Variants in VPS8 observed in about 807,000 individuals in gnomAD.
VPS8 encodes VPS8 subunit of CORVET complex, also known as vacuolar protein sorting-associated protein 8 homolog.
In VPS8, 129 loss-of-function variants were observed where a neutral mutation model predicts 216.4. The observed-to-expected ratio is 0.60, with a 90% CI of 0.52 to 0.69. The LOEUF (loss-of-function observed/expected upper bound fraction) is 0.69. VPS8 is among the 30% of genes least tolerant of loss of function. The pLI, the probability that VPS8 is intolerant of heterozygous loss-of-function variation, is 0.00. For synonymous variants in VPS8, 571 were observed against 565.4 expected (o/e 1.01, Z -0.14); for missense variants, 1,531 against 1,683.5 (o/e 0.91, Z 1.59).
intron 33 of VPS8, 93 bp downstream of exon 33, chr3:184,929,757 G>C: frequency 2.9e-6 from 2 of 684,860 alleles, no homozygotes; most frequent in Non-Finnish European, 2.3e-6. Context: ...TTGCGCATGT[G>C]TATGAGCCAA....
rs916845560 is a variant in VPS8, at chr3:184,924,778, G to A, written c.2455-84G>A. The A allele has an allele frequency of 3.4e-6, 5 of 1,468,612 alleles. No homozygotes were observed. The African/African-American group carries it at 7.4e-5, about 22-fold the overall frequency. 91.0% of individuals were successfully genotyped at this position (1,468,612 alleles called of 1,614,324 possible). ...CTTTTTACGCGTCTTCAGTCATGAG[G>A]CTATCCCGTCTTCTAATTGTATTTT... On this transcript the variant is annotated intron_variant, in intron 29 of 47. Coordinates refer to ENST00000625842, the MANE Select transcript of VPS8 (RefSeq NM_001009921.3).
At chr3:184,878,401 G>A (rs1729665040) in intron 21 of VPS8, among the ~76,000 whole-genome samples, 1 of 152,094 alleles carries the variant, frequency 6.6e-6, no homozygotes, top group Non-Finnish European at 1.5e-5. Flanking sequence ...GAGCCACTGC[G>A]CCTAACCTAA....
chr3:184,898,419 G>T, intron 23 of VPS8, 146 bp from the exon 24 acceptor site: 1 of 683,230 alleles, frequency 1.5e-6, no homozygotes, highest in Non-Finnish European at 2.6e-6. Flanking sequence ...CTTGCATTGT[G>T]TTTGAGTACT....
At chr3:184,985,667 T>C (rs1251624597) in intron 42 of VPS8, among the ~76,000 whole-genome samples, 2 of 152,168 alleles carry the variant, frequency 1.3e-5, no homozygotes, top group Non-Finnish European at 2.9e-5. Flanking sequence ...GGTGAGCAAA[T>C]GGCCTAAACA....
intron 26 of VPS8, among the ~76,000 whole-genome samples, chr3:184,914,006 A>G (rs1337172318): frequency 6.6e-6 from 1 of 152,244 alleles, no homozygotes; most frequent in Non-Finnish European, 1.5e-5. Flanking sequence ...CAAATCATGA[A>G]AAAGTTAGTA....
rs1377384083 is a variant in VPS8, at chr3:184,843,231, A to G, written c.536-9A>G. 7.0e-7 allele frequency: 1 copy of G among 1,421,228 alleles called. No homozygotes were observed. Among genetic ancestry groups the G allele is most frequent in the African/African-American group, 1.4e-5 (1 of 70,110 alleles). The allele number at this position is 1,421,228 out of a possible 1,614,324, so 88.0% of individuals were successfully genotyped here. A position where few individuals can be genotyped will look rare whatever the true frequency, so the allele number is the denominator to read the frequency against. On this transcript the variant is annotated splice_polypyrimidine_tract_variant and intron_variant, in intron 7 of 47. Transcript: ENST00000625842. ...ATCTTTCTTGATCTTTTCTTCATGG[A>G]TTCAAAAGGAAAAGGTATAGTAAGT...
rs1186136967 is a variant in VPS8 at position 184,894,531 on chromosome 3, T to TATATATATATATAC, written c.1782-171_1782-170insTATATATATATACA. On this transcript the variant is annotated intron_variant, in intron 22 of 47. Coordinates refer to ENST00000625842, the MANE Select transcript of VPS8 (RefSeq NM_001009921.3). ...ACGTATATATATATATATATATATATACACACACACACAAAGTTTTTGCAG... is the reference window on the plus strand; with the variant it reads ...ACGTATATATATATATATATATATATATATATATATATACACACACACACACAAAGTTTTTGCAG... 1.1e-3 allele frequency among the ~76,000 whole-genome samples: 108 copies of TATATATATATATAC among 98,956 alleles called. 1 individual carries two copies. Among genetic ancestry groups the TATATATATATATAC allele is most frequent in the South Asian group, 1.7e-3 (5 of 2,878 alleles). 64.9% of individuals were successfully genotyped at this position (98,956 alleles called of 152,430 possible). A position where few individuals can be genotyped will look rare whatever the true frequency, so the allele number is the denominator to read the frequency against.
chr3:184,886,198 A>G, intron 22 of VPS8, 42 bp downstream of exon 22: 1 of 1,571,650 alleles, frequency 6.4e-7, no homozygotes, highest in African/African-American at 1.3e-5. Flanking sequence ...TTTTGAACCC[A>G]GGTAGCCTCT....
intron 3 of VPS8, 115 bp from the exon 4 acceptor site, chr3:184,832,573 TA>T: frequency 1.2e-6 from 1 of 844,238 alleles, no homozygotes; most frequent in South Asian, 2.0e-5. Context: ...ATGCATGGAA[TA>T]GAGGCGAAAA....
chr3:184,848,430 T>C (rs1723556021), intron 8 of VPS8, among the ~76,000 whole-genome samples: 1 of 152,068 alleles, frequency 6.6e-6, no homozygotes, highest in South Asian at 2.1e-4. Flanking sequence ...ATCTTAAAAA[T>C]AGCAAGAAAT....
At chr3:184,951,809 G>A (rs561402136) in intron 36 of VPS8, among the ~76,000 whole-genome samples, 1 of 152,314 alleles carries the variant, frequency 6.6e-6, no homozygotes, top group East Asian at 1.9e-4. Context: ...AGTCAGAAAT[G>A]GATGTAAATT....
chr3:184,966,085 T>G (rs774984647), intron 38 of VPS8, among the ~76,000 whole-genome samples: 3 of 152,148 alleles, frequency 2.0e-5, no homozygotes, highest in Non-Finnish European at 4.4e-5. Context: ...GCAGGCTGTG[T>G]TAGCATCTAG....
intron 34 of VPS8, among the ~76,000 whole-genome samples, chr3:184,933,713 G>C (rs1443011815): frequency 6.6e-6 from 1 of 152,080 alleles, no homozygotes; most frequent in Non-Finnish European, 1.5e-5. Context: ...AATTTTCCCA[G>C]CAGCAATTAT....
At position 184,868,360 on chromosome 3, in the gene VPS8, C is replaced by T. The variant is rs6801165; in HGVS notation, c.1506+301C>T. 0.076 allele frequency: 22,759 copies of T among 298,350 alleles called. 1,010 individuals are homozygous for T. The highest frequency in any genetic ancestry group is 0.094 in the Non-Finnish European group (15,051 of 160,956). 18.5% of individuals were successfully genotyped at this position (298,350 alleles called of 1,614,324 possible). The stretch of plus-strand genomic sequence containing the variant: ...CTTGTAGGAATTCCATAAGCTTAAG[C>T]GTGCTGTCCTGTTCCACCATGTTTG... On this transcript the variant is annotated intron_variant, in intron 18 of 47. Transcript: ENST00000625842.
At chr3:184,906,334 C>T (rs1265013007) in intron 25 of VPS8, among the ~76,000 whole-genome samples, 2 of 151,964 alleles carry the variant, frequency 1.3e-5, no homozygotes, top group Non-Finnish European at 2.9e-5. Flanking sequence ...TATTTTATGA[C>T]CTCATGTAAG....
At chr3:184,947,536 A>G (rs1384192361) in intron 36 of VPS8, among the ~76,000 whole-genome samples, 1 of 151,166 alleles carries the variant, frequency 6.6e-6, no homozygotes, top group Non-Finnish European at 1.5e-5. Context: ...TCAGGAGGTG[A>G]TGTTGTGGGC....
intron 22 of VPS8, among the ~76,000 whole-genome samples, chr3:184,892,636 A>G (rs565757416): frequency 1.6e-4 from 25 of 152,180 alleles, no homozygotes; most frequent in Non-Finnish European, 3.2e-4. Context: ...AGAGATGCAA[A>G]TAGGAGTTGC....
intron 40 of VPS8, 165 bp from the exon 41 acceptor site, chr3:184,982,401 T>A (rs1303119862): frequency 1.6e-5 from 9 of 547,830 alleles, no homozygotes; most frequent in Non-Finnish European, 2.5e-5. Context: ...TTTTTTTTTT[T>A]GCCCCAAATA....
intron 22 of VPS8, among the ~76,000 whole-genome samples, chr3:184,889,751 T>G (rs1043270093): frequency 1.3e-5 from 2 of 152,144 alleles, no homozygotes; most frequent in Non-Finnish European, 2.9e-5. Flanking sequence ...AAACGCTCCC[T>G]CTTTTGTTCT....
Sources: allele counts gnomAD v4.1 joint callset (sites outside exome capture counted in the v4.1 genomes callset), GRCh38; gene constraint gnomAD v4.1.1; transcripts MANE v1.5; gene names NCBI Gene and HGNC (gene_info 2026-07-23, HGNC 2026-07-21).